Variants in PLEKHA6 observed in about 807,000 individuals in gnomAD.
PLEKHA6 encodes the protein pleckstrin homology domain containing A6.
A neutral mutation model predicts 116.7 loss-of-function variants in PLEKHA6; 60 were observed. That is an observed-to-expected ratio of 0.51 (90% CI 0.42 to 0.64). The LOEUF (loss-of-function observed/expected upper bound fraction) is 0.64, where lower values mean the gene tolerates loss of function less well. Among genes scored for constraint, PLEKHA6 ranks in the 30% least tolerant of loss-of-function variants. The pLI, the probability that PLEKHA6 is intolerant of heterozygous loss-of-function variation, is 0.00. For missense variants in PLEKHA6, 1,338 were observed against 1,422.7 expected, an observed-to-expected ratio of 0.94 and a Z score of 0.96; for synonymous variants, 489 against 556.1, an observed-to-expected ratio of 0.88 and a Z score of 1.70.
At chr1:204,355,596 C>T (rs1673390313) in intron 1 of PLEKHA6, among the ~76,000 whole-genome samples, 1 of 152,078 alleles carries the variant, frequency 6.6e-6, no homozygotes. Context: ...GCCAGCACCA[C>T]ACTTAGCTAA....
intron 1 of PLEKHA6, among the ~76,000 whole-genome samples, chr1:204,341,343 G>T (rs867052149): frequency 6.6e-6 from 1 of 152,206 alleles, no homozygotes; most frequent in African/African-American, 2.4e-5. Flanking sequence ...ATCTGTGGGG[G>T]AAAGGGTAGG....
chr1:204,334,791 TG>T (rs1672582781), intron 1 of PLEKHA6, among the ~76,000 whole-genome samples: 1 of 151,922 alleles, frequency 6.6e-6, no homozygotes, highest in African/African-American at 2.4e-5. Context: ...CCCAGTTACT[TG>T]GGAAGATAAG....
chr1:204,267,011 G>A (rs1172354292), intron 5 of PLEKHA6, among the ~76,000 whole-genome samples: 2 of 152,196 alleles, frequency 1.3e-5, no homozygotes, highest in Admixed American at 1.3e-4. Context: ...AGTGTTTTAG[G>A]TGCTGTGGAT....
chr1:204,346,838 C>T (rs566534125), intron 1 of PLEKHA6: 105 of 1,352,112 alleles, frequency 7.8e-5, no homozygotes, highest in Non-Finnish European at 1.1e-4. Context: ...TTGGTTCTCA[C>T]AAAGTGTGCT....
intron 1 of PLEKHA6, among the ~76,000 whole-genome samples, chr1:204,355,541 T>C (rs1227596506): frequency 6.6e-6 from 1 of 152,252 alleles, no homozygotes; most frequent in Middle Eastern, 3.4e-3. Context: ...CTGGGTTCAA[T>C]GGATTCTCCT....
rs183885855 is a variant in PLEKHA6 at position 204,359,761 on chromosome 1, C to A, written c.-162G>T. 2 of 915,156 alleles carry A rather than the reference C, an allele frequency of 2.2e-6. No individual in the cohort carries two copies. Among genetic ancestry groups the A allele is most frequent in the Non-Finnish European group, 2.6e-6 (2 of 765,458 alleles). 56.7% of individuals were successfully genotyped at this position (915,156 alleles called of 1,614,324 possible). A position where few individuals can be genotyped will look rare whatever the true frequency, so the allele number is the denominator to read the frequency against. On this transcript the variant is annotated 5_prime_UTR_variant, in exon 1 of 23. Coordinates refer to ENST00000272203, the MANE Select transcript of PLEKHA6 (RefSeq NM_014935.5). ...TGCGAGCCCCAAGGCACCCCTCCCC[C>A]CAGCTCAGGCCAGCTGGGGTCCTCC...
chr1:204,300,965 A>G (rs1670755289), intron 1 of PLEKHA6, among the ~76,000 whole-genome samples: 1 of 152,214 alleles, frequency 6.6e-6, no homozygotes, highest in Admixed American at 6.5e-5. Flanking sequence ...ACTTGAGCAT[A>G]TTTAGCTGCA....
chr1:204,297,637 A>G (rs1241912767), intron 1 of PLEKHA6, among the ~76,000 whole-genome samples: 1 of 151,980 alleles, frequency 6.6e-6, no homozygotes, highest in Non-Finnish European at 1.5e-5. Flanking sequence ...AACAGTTTCT[A>G]CTTCATAGGA....
intron 1 of PLEKHA6, among the ~76,000 whole-genome samples, chr1:204,285,057 A>G (rs963012902): frequency 3.3e-5 from 5 of 152,256 alleles, no homozygotes; most frequent in Non-Finnish European, 2.9e-5. Flanking sequence ...TTCAGTTCCT[A>G]GTTACACTAG....
chr1:204,319,577 G>C (rs1416087634), intron 1 of PLEKHA6, among the ~76,000 whole-genome samples: 1 of 152,164 alleles, frequency 6.6e-6, no homozygotes, highest in Non-Finnish European at 1.5e-5. Context: ...CCCAACAGGA[G>C]TGGTCCCTCC....
chr1:204,255,592 G>T, intron 9 of PLEKHA6: 1 of 702,116 alleles, frequency 1.4e-6, no homozygotes, highest in Non-Finnish European at 2.6e-6. Context: ...CAGGAAGGCA[G>T]TGGGATGATA....
chr1:204,261,240 T>G lies in PLEKHA6; in HGVS notation c.524+66A>C. The G allele has an allele frequency of 6.4e-7, 1 of 1,574,372 alleles. No homozygotes were observed. On this transcript the variant is annotated intron_variant, in intron 7 of 22. Coordinates refer to ENST00000272203, the MANE Select transcript of PLEKHA6 (RefSeq NM_014935.5). The surrounding 1 kb of genome is among the most constrained non-coding windows in gnomAD (Gnocchi z 4.0). ...ACTGGGATTAGCAATGGCCCAGAGC[T>G]GGGTGTGTCTTCCATTCCCCTCTTT...
At chr1:204,264,669 C>A (rs1282486832) in intron 6 of PLEKHA6, among the ~76,000 whole-genome samples, 2 of 152,174 alleles carry the variant, frequency 1.3e-5, no homozygotes, top group Non-Finnish European at 2.9e-5. Context: ...GCTGCTGAAA[C>A]ACATCTCTAC....
chr1:204,366,549 C>T (rs899770544), intron 3 of PLEKHA6, among the ~76,000 whole-genome samples: 1 of 152,140 alleles, frequency 6.6e-6, no homozygotes, highest in Admixed American at 6.5e-5. Flanking sequence ...TCCCTGGAGG[C>T]CAGGTGTTCG....
chr1:204,263,348 A>C (rs1666373278), intron 6 of PLEKHA6, among the ~76,000 whole-genome samples: 1 of 152,212 alleles, frequency 6.6e-6, no homozygotes, highest in Non-Finnish European at 1.5e-5. Context: ...AGGTTAAGGC[A>C]TTCAGCGGTA....
rs1276297354 is a variant in PLEKHA6 at position 204,223,021 on chromosome 1, GT to G, written c.*9-243del. On this transcript the variant is annotated intron_variant, in intron 22 of 22. Coordinates refer to ENST00000272203, the MANE Select transcript of PLEKHA6 (RefSeq NM_014935.5). The surrounding 1 kb of genome is among the most constrained non-coding windows in gnomAD (Gnocchi z 4.8). ...ACAGCCTTTGGCCGTAGTTGTCAAT[GT>G]TATTTTAATTTACAGTAAGATCTGG... Among the ~76,000 whole-genome samples the G allele has an allele frequency of 6.6e-6, 1 of 152,188 alleles. No homozygotes were observed. The highest frequency in any genetic ancestry group is 2.4e-5 in the African/African-American group (1 of 41,436).
At chr1:204,371,286 A>C (rs1173968995) in intron 2 of PLEKHA6, among the ~76,000 whole-genome samples, 1 of 152,150 alleles carries the variant, frequency 6.6e-6, no homozygotes, top group Non-Finnish European at 1.5e-5. Flanking sequence ...ATGAGTAAAA[A>C]TCTTTGTCCT....
chr1:204,233,251 T>C (rs1415443488), intron 17 of PLEKHA6, among the ~76,000 whole-genome samples: 1 of 150,390 alleles, frequency 6.6e-6, no homozygotes, highest in African/African-American at 2.4e-5. Context: ...CACAGTTCAC[T>C]GCAGCCTCCA....
chr1:204,309,364 G>T (rs538732730), intron 1 of PLEKHA6, among the ~76,000 whole-genome samples: 1 of 152,258 alleles, frequency 6.6e-6, no homozygotes, highest in African/African-American at 2.4e-5. Context: ...ACAATCACAC[G>T]CCGCATAAGG....
Sources: gnomAD v4.1 joint callset for allele counts (sites outside exome capture counted in the v4.1 genomes callset) on GRCh38, gnomAD v4.1.1 for gene constraint, Gnocchi (gnomAD v3.1) non-coding constraint, MANE v1.5 for transcripts, NCBI Gene and HGNC (gene_info 2026-07-23, HGNC 2026-07-21) for gene names.